The following KIAA0753 variants were observed in gnomAD, a reference collection of about 807,000 sequenced individuals.
KIAA0753 encodes KIAA0753, also known as protein moonraker.
KIAA0753 carries 114 observed loss-of-function variants against 116.9 expected under a neutral mutation model. The observed-to-expected ratio is 0.98, with a 90% CI of 0.84 to 1.14. The LOEUF (loss-of-function observed/expected upper bound fraction) is 1.14, where lower values mean the gene tolerates loss of function less well. Ranked by LOEUF, KIAA0753 falls within the 50% of genes most tolerant of loss-of-function variation. The pLI, the probability that KIAA0753 is intolerant of heterozygous loss-of-function variation, is 0.00. For synonymous variants in KIAA0753, 405 were observed against 413.1 expected (o/e 0.98, Z 0.24); for missense variants, 1,156 against 1,172.4 (o/e 0.99, Z 0.20).
intron 17 of KIAA0753, among the ~76,000 whole-genome samples, 179 bp from the exon 18 acceptor site, chr17:6,590,182 A>C (rs1390875645): frequency 6.6e-6 from 1 of 152,222 alleles, no homozygotes; most frequent in Non-Finnish European, 1.5e-5. Context: ...ACCAACCCTC[A>C]ACATGTGGGA....
intron 18 of KIAA0753, among the ~76,000 whole-genome samples, chr17:6,582,306 G>C (rs1226967876): frequency 6.6e-6 from 1 of 152,142 alleles, no homozygotes; most frequent in Non-Finnish European, 1.5e-5. Context: ...GTGTTCAAAA[G>C]TTATTTAGGC....
At position 6,578,745 on chromosome 17, in the gene KIAA0753, C is replaced by G. The variant is rs532633366; in HGVS notation, c.*1002G>C. On this transcript the variant is annotated 3_prime_UTR_variant, in exon 19 of 19. Transcript: ENST00000361413. ...TTTCCAGGCAGTGGCCTGATTCTTACGCACATTCCGTTTCTTTTTCTGAAT... is the reference window on the plus strand; with the variant it reads ...TTTCCAGGCAGTGGCCTGATTCTTAGGCACATTCCGTTTCTTTTTCTGAAT... The G allele has an allele frequency of 1.3e-5, 2 of 152,220 alleles. No individual in the cohort carries two copies. The highest frequency in any genetic ancestry group is 6.5e-5 in the Admixed American group (1 of 15,272). The allele number at this position is 152,220 out of a possible 1,614,324, so 9.4% of individuals were successfully genotyped here. A position where few individuals can be genotyped will look rare whatever the true frequency, so the allele number is the denominator to read the frequency against.
At chr17:6,583,821 G>C (rs11655424) in intron 18 of KIAA0753, among the ~76,000 whole-genome samples, 9,468 of 152,150 alleles carry the variant, frequency 0.062, 373 homozygotes, top group South Asian at 0.15. Flanking sequence ...ATCTGCCGTA[G>C]GTCTGTTCTT....
chr17:6,619,411 A>G (rs1971151621), intron 7 of KIAA0753, among the ~76,000 whole-genome samples: 1 of 151,752 alleles, frequency 6.6e-6, no homozygotes, highest in Admixed American at 6.6e-5. Context: ...TATTTTGTGT[A>G]CTTTTCTATC....
chr17:6,595,046 T>C lies in KIAA0753; in HGVS notation c.2366A>G (p.Gln789Arg). Residue 789 changes from glutamine to arginine, a missense_variant, in exon 16 of 19, where the codon CAG becomes CGG. Coordinates refer to ENST00000361413, the MANE Select transcript of KIAA0753 (RefSeq NM_014804.3). ...ATTATATCTTTGACGAACAGACTCC[T>C]GGTATTTCTTTAAAAAAAAAGAAAA... ...MRRMEEMEKY[Q>R]ESVRQRYNKI... The C allele has an allele frequency of 6.3e-7, 1 of 1,595,848 alleles. No homozygotes were observed. The highest frequency in any genetic ancestry group is 8.5e-7 in the Non-Finnish European group (1 of 1,171,202).
chr17:6,610,684 C>T (rs1010832806), intron 8 of KIAA0753, among the ~76,000 whole-genome samples: 31 of 151,680 alleles, frequency 2.0e-4, no homozygotes, highest in Admixed American at 1.4e-3. Flanking sequence ...CCATGCCTGG[C>T]TAATTTTTTA....
At chr17:6,613,999 A>G (rs974724981) in intron 7 of KIAA0753, among the ~76,000 whole-genome samples, 1 of 152,204 alleles carries the variant, frequency 6.6e-6, no homozygotes, top group Non-Finnish European at 1.5e-5. Flanking sequence ...CTTCTACAAA[A>G]CTATAAGACA....
chr17:6,613,392 A>AT (rs1454448696), intron 7 of KIAA0753, among the ~76,000 whole-genome samples: 5 of 152,286 alleles, frequency 3.3e-5, no homozygotes, highest in Admixed American at 2.0e-4. Context: ...GCCCTAACAG[A>AT]TTTTTTTTCA....
At chr17:6,616,976 G>T (rs1316679632) in intron 7 of KIAA0753, among the ~76,000 whole-genome samples, 1 of 152,122 alleles carries the variant, frequency 6.6e-6, no homozygotes, top group Non-Finnish European at 1.5e-5. Flanking sequence ...TGAGTTTTAG[G>T]TTAGCAGGTT....
chr17:6,639,411 G>A lies in KIAA0753; in HGVS notation c.-69+1226C>T, dbSNP rs1294559086. 2 of 152,246 alleles carry A rather than the reference G, an allele frequency of 1.3e-5. No individual in the cohort carries two copies. Among genetic ancestry groups the A allele is most frequent in the Non-Finnish European group, 2.9e-5 (2 of 68,228 alleles). The allele number at this position is 152,246 out of a possible 1,614,324, so 9.4% of individuals were successfully genotyped here. The stretch of plus-strand genomic sequence containing the variant: ...CCATAGTCTGTTCTTTTTCACAAGG[G>A]CCTGAGACAAACCCATAGCCTATCT... On this transcript the variant is annotated intron_variant, in intron 1 of 18. Coordinates refer to ENST00000361413, the MANE Select transcript of KIAA0753 (RefSeq NM_014804.3). This position sits in a 1 kb window ranked among gnomAD's most constrained non-coding sequence, Gnocchi z 4.3.
intron 15 of KIAA0753, 92 bp from the exon 16 acceptor site, chr17:6,595,145 C>G: frequency 1.2e-6 from 1 of 844,714 alleles, no homozygotes; most frequent in East Asian, 2.6e-5. Context: ...TCAGCAGACA[C>G]AACTGATACG....
intron 7 of KIAA0753, among the ~76,000 whole-genome samples, chr17:6,618,687 C>T (rs1167242232): frequency 6.6e-6 from 1 of 151,994 alleles, no homozygotes; most frequent in Non-Finnish European, 1.5e-5. Flanking sequence ...AAGTGGAACA[C>T]TAAACTATTA....
intron 12 of KIAA0753, chr17:6,600,980 A>AC (rs1013642491): frequency 6.4e-6 from 1 of 156,318 alleles, no homozygotes; most frequent in African/African-American, 2.4e-5. Context: ...CCAAGTACTA[A>AC]CCAGGCCCAA....
At chr17:6,632,578 A>G (rs1307412676) in intron 2 of KIAA0753, among the ~76,000 whole-genome samples, 1 of 152,250 alleles carries the variant, frequency 6.6e-6, no homozygotes, top group Admixed American at 6.5e-5. Context: ...TGTTAAAAAG[A>G]CATTAACATA....
intron 15 of KIAA0753, among the ~76,000 whole-genome samples, chr17:6,595,796 G>C (rs147985334): frequency 1.3e-4 from 20 of 152,312 alleles, no homozygotes; most frequent in Middle Eastern, 3.4e-3. Context: ...GGAGGCAACT[G>C]AACAGTACGT....
In KIAA0753 at chr17:6,578,713, G is replaced by C. The variant is rs1273755970; in HGVS notation, c.*1034C>G. The stretch of plus-strand genomic sequence containing the variant: ...CTGAGCCTCAGGCTACGAATTGAGA[G>C]AAAGTCTTTCCAGGCAGTGGCCTGA... On this transcript the variant is annotated 3_prime_UTR_variant, in exon 19 of 19. Coordinates refer to ENST00000361413, the MANE Select transcript of KIAA0753 (RefSeq NM_014804.3). 6.6e-6 allele frequency: 1 copy of C among 152,250 alleles called. No homozygotes were observed. The highest frequency in any genetic ancestry group is 2.4e-5 in the African/African-American group (1 of 41,470). 9.4% of individuals were successfully genotyped at this position (152,250 alleles called of 1,614,324 possible). A position where few individuals can be genotyped will look rare whatever the true frequency, so the allele number is the denominator to read the frequency against.
intron 2 of KIAA0753, among the ~76,000 whole-genome samples, chr17:6,631,233 G>A (rs1972006490): frequency 6.6e-6 from 1 of 152,150 alleles, no homozygotes; most frequent in Non-Finnish European, 1.5e-5. Flanking sequence ...GCTAAAAAGT[G>A]AAGATGAAAA....
chr17:6,618,132 CACAACT>C (rs1173145743), intron 7 of KIAA0753, among the ~76,000 whole-genome samples: 1 of 151,932 alleles, frequency 6.6e-6, no homozygotes, highest in Non-Finnish European at 1.5e-5. Flanking sequence ...AAAAAAATCC[CACAACT>C]ACAGGGTTTG....
At position 6,628,698 on chromosome 17, in the gene KIAA0753, T is replaced by G; in HGVS notation, c.137A>C (p.Asn46Thr). ...FNRNVPTHSS[N>T]LAIRYSCPHA... ...TGGGCAAGAATATCGGATCGCCAAG[T>G]TGCTTGAATGTGTAGGAACATTCCT... Residue 46 changes from asparagine (N) to threonine (T), a missense_variant, in exon 3 of 19, where the codon AAC becomes ACC. Transcript: ENST00000361413. 1 of 1,613,396 alleles carries G rather than the reference T, an allele frequency of 6.2e-7. No individual in the cohort carries two copies. Among genetic ancestry groups the G allele is most frequent in the Non-Finnish European group, 8.5e-7 (1 of 1,179,720 alleles).
Sources: allele counts gnomAD v4.1 joint callset (sites outside exome capture counted in the v4.1 genomes callset), GRCh38; gene constraint gnomAD v4.1.1; non-coding constraint Gnocchi (gnomAD v3.1); transcripts MANE v1.5; gene names NCBI Gene and HGNC (gene_info 2026-07-23, HGNC 2026-07-21).